RPSA2: variants seen among roughly 807,000 people sequenced by gnomAD.
The protein encoded by RPSA2 is small ribosomal subunit protein uS2B.
chr19:23,761,928 T>TCC, the RPSA2 span, among the ~76,000 whole-genome samples: 460 of 54,192 alleles, frequency 8.5e-3, 31 homozygotes, highest in East Asian at 0.024. Context: ...TTCTTTTTTT[T>TCC]TTTTTTTGAG....
chr19:23,765,535 G>A, the RPSA2 span, among the ~76,000 whole-genome samples: 1 of 152,092 alleles, frequency 6.6e-6, no homozygotes, highest in African/African-American at 2.4e-5. Context: ...ACTAACACAG[G>A]AATAGAAAAC....
the RPSA2 span, among the ~76,000 whole-genome samples, chr19:23,857,080 T>G: frequency 6.6e-6 from 1 of 152,144 alleles, no homozygotes; most frequent in African/African-American, 2.4e-5. Flanking sequence ...AGAACAGACA[T>G]TCCCAGAATG....
At chr19:23,869,288 C>T in the RPSA2 span, among the ~76,000 whole-genome samples, 20 of 152,282 alleles carry the variant, frequency 1.3e-4, no homozygotes, top group African/African-American at 3.4e-4. Flanking sequence ...ACAAAGATGT[C>T]GCTCAACCAT....
the RPSA2 span, chr19:23,790,652 C>T: frequency 3.1e-6 from 1 of 326,100 alleles, no homozygotes; most frequent in Non-Finnish European, 6.0e-6. Flanking sequence ...AGATGGAGCT[C>T]CAGGTGTCGT....
chr19:23,798,659 A>G, the RPSA2 span, among the ~76,000 whole-genome samples: 1 of 151,910 alleles, frequency 6.6e-6, no homozygotes. Flanking sequence ...TCCTACTTAC[A>G]TATTTATATC....
At chr19:23,798,206 CA>C in the RPSA2 span, among the ~76,000 whole-genome samples, 1 of 151,910 alleles carries the variant, frequency 6.6e-6, no homozygotes, top group Non-Finnish European at 1.5e-5. Flanking sequence ...CAAGAGCACA[CA>C]AAAGTTTAGC....
At chr19:23,785,128 G>T in the RPSA2 span, among the ~76,000 whole-genome samples, 1 of 152,120 alleles carries the variant, frequency 6.6e-6, no homozygotes, top group Middle Eastern at 3.2e-3. Flanking sequence ...CTCAAAAGAA[G>T]TGACTCTTTT....
the RPSA2 span, among the ~76,000 whole-genome samples, chr19:23,799,958 T>A: frequency 6.6e-6 from 1 of 152,168 alleles, no homozygotes; most frequent in African/African-American, 2.4e-5. Context: ...CTTTTCGATC[T>A]CTTAAGCAGA....
the RPSA2 span, among the ~76,000 whole-genome samples, chr19:23,857,372 A>C: frequency 6.6e-6 from 1 of 152,036 alleles, no homozygotes; most frequent in Non-Finnish European, 1.5e-5. Flanking sequence ...TGAAATCTTC[A>C]CAATTTATGT....
chr19:23,791,730 C>A, the RPSA2 span, among the ~76,000 whole-genome samples: 1 of 150,720 alleles, frequency 6.6e-6, no homozygotes. Context: ...TTATTTTAAT[C>A]TTTTCTTTTT....
chr19:23,796,331 G>T, the RPSA2 span, among the ~76,000 whole-genome samples: 1 of 151,698 alleles, frequency 6.6e-6, no homozygotes, highest in African/African-American at 2.4e-5. Context: ...CTTGATCATC[G>T]TGGGTTAGCT....
At chr19:23,871,139 C>T in the RPSA2 span, among the ~76,000 whole-genome samples, 1 of 152,146 alleles carries the variant, frequency 6.6e-6, no homozygotes, top group African/African-American at 2.4e-5. Context: ...GCAAGGAGCC[C>T]CCTGACCCCT....
the RPSA2 span, among the ~76,000 whole-genome samples, chr19:23,789,822 CA>C: frequency 6.6e-6 from 1 of 151,588 alleles, no homozygotes; most frequent in Non-Finnish European, 1.5e-5. Flanking sequence ...GGACTACAGG[CA>C]TGTACCAGGA....
chr19:23,772,623 T>A, the RPSA2 span, among the ~76,000 whole-genome samples: 1 of 152,124 alleles, frequency 6.6e-6, no homozygotes, highest in Admixed American at 6.5e-5. Flanking sequence ...ACAAAGAGTG[T>A]TATCCCAGGG....
chr19:23,778,370 G>A, the RPSA2 span, among the ~76,000 whole-genome samples: 5 of 152,078 alleles, frequency 3.3e-5, no homozygotes, highest in South Asian at 2.1e-4. Flanking sequence ...GCACCACCAC[G>A]CCCAGCTAAT....
the RPSA2 span, among the ~76,000 whole-genome samples, chr19:23,773,073 CTGTGTGTATG>C: frequency 0.02 from 13 of 662 alleles, no homozygotes; most frequent in South Asian, 0.32. Context: ...CCGTCTCCTC[CTGTGTGTATG>C]TGTGTGTATA....
chr19:23,806,044 TTTC>T, the RPSA2 span, among the ~76,000 whole-genome samples: 10 of 46,120 alleles, frequency 2.2e-4, no homozygotes, highest in South Asian at 1.1e-3. Context: ...TCCTTCTTTC[TTTC>T]TTTTTTTTTT....
chr19:23,860,478 C>G, the RPSA2 span, among the ~76,000 whole-genome samples: 2 of 152,166 alleles, frequency 1.3e-5, no homozygotes, highest in African/African-American at 4.8e-5. Flanking sequence ...CAGTTCTCCA[C>G]TTCTTCTTGC....
chr19:23,804,530 C>G, the RPSA2 span, among the ~76,000 whole-genome samples: 1 of 151,828 alleles, frequency 6.6e-6, no homozygotes, highest in Non-Finnish European at 1.5e-5. Flanking sequence ...CTCCTGACCT[C>G]GTGATCCACC....
Sources: gnomAD v4.1 joint callset for allele counts (sites outside exome capture counted in the v4.1 genomes callset) on GRCh38, gnomAD v4.1.1 for gene constraint, MANE v1.5 for transcripts, NCBI Gene and HGNC (gene_info 2026-07-23, HGNC 2026-07-21) for gene names.